Variants in TRIM24 observed in about 807,000 individuals in gnomAD.
TRIM24 encodes tripartite motif containing 24, also known as transcription intermediary factor 1-alpha.
Under a neutral mutation model 123.9 loss-of-function variants are expected in TRIM24, and 29 were observed. The observed-to-expected ratio is 0.23, with a 90% CI of 0.17 to 0.32. TRIM24 has a LOEUF of 0.32. Ranked by LOEUF, TRIM24 falls within the 10% of genes least tolerant of loss-of-function variation. TRIM24 has a pLI of 1.00. For missense variants in TRIM24, 932 were observed against 1,295.3 expected, an observed-to-expected ratio of 0.72 and a Z score of 4.31; for synonymous variants, 456 against 461.1, an observed-to-expected ratio of 0.99 and a Z score of 0.14.
At chr7:138,483,680 G>T (rs1363201642) in intron 1 of TRIM24, among the ~76,000 whole-genome samples, 1 of 152,172 alleles carries the variant, frequency 6.6e-6, no homozygotes, top group Non-Finnish European at 1.5e-5. Flanking sequence ...GCCCTGGGGA[G>T]GACACTACAT....
At chr7:138,501,363 TG>T (rs974765954) in intron 1 of TRIM24, among the ~76,000 whole-genome samples, 3 of 152,054 alleles carry the variant, frequency 2.0e-5, no homozygotes, top group African/African-American at 7.2e-5. Flanking sequence ...CCTGAGTAGC[TG>T]GGACTACAGG....
intron 1 of TRIM24, among the ~76,000 whole-genome samples, chr7:138,478,380 G>C (rs1243887076): frequency 1.4e-5 from 2 of 142,160 alleles, no homozygotes; most frequent in East Asian, 4.8e-4. Flanking sequence ...AGTGGTTCAT[G>C]CCTGTAATCC....
chr7:138,573,509 T>G lies in TRIM24; in HGVS notation c.1881T>G (p.Ile627Met). The change falls in exon 12 of 19, where the codon ATT becomes ATG. Residue 627 changes from isoleucine to methionine, a missense_variant and splice_region_variant. By Grantham distance (10) the Ile-to-Met change is conservative (BLOSUM62 1). Coordinates refer to ENST00000343526, the MANE Select transcript of TRIM24 (RefSeq NM_015905.3). ...GSYNLPSLPD[I>M]DCSSTIMLDN... is the part of the protein sequence containing the mutation. ...GAAATAATTTCTTTTCTTGTAAGAT[T>G]GACTGTTCAAGTACTATTATGCTGG... 6.4e-7 allele frequency: 1 copy of G among 1,566,048 alleles called. No homozygotes were observed. Among genetic ancestry groups the G allele is most frequent in the South Asian group, 1.2e-5 (1 of 80,056 alleles).
At chr7:138,508,692 T>TGTGTGCGCGTGCGC (rs1422176564) in intron 2 of TRIM24, among the ~76,000 whole-genome samples, 1 of 137,278 alleles carries the variant, frequency 7.3e-6, no homozygotes, top group African/African-American at 2.7e-5. Context: ...TGTGTGTGTG[T>TGTGTGCGCGTGCGC]GCGCGCGCGT....
chr7:138,571,857 C>T (rs920680198), intron 11 of TRIM24, among the ~76,000 whole-genome samples: 4 of 138,310 alleles, frequency 2.9e-5, no homozygotes, highest in African/African-American at 9.9e-5. Context: ...AGGCATGAGC[C>T]ACTACACCCA....
In TRIM24 at chr7:138,573,531, C is replaced by T. The variant is rs1432505515; in HGVS notation, c.1903C>T (p.Leu635=). Reference sequence around the variant, plus strand: ...GATTGACTGTTCAAGTACTATTATGCTGGACAATATTGTGAGGAAAGATAC... The same window carrying T: ...GATTGACTGTTCAAGTACTATTATGTTGGACAATATTGTGAGGAAAGATAC... ...PDIDCSSTIM[L]DNIVRKDTNI... is the part of the protein sequence containing the mutation. Residue 635 remains leucine, a synonymous_variant, in exon 12 of 19, where the codon CTG becomes TTG. Transcript: ENST00000343526. The T allele has an allele frequency of 6.2e-7, 1 of 1,608,274 alleles. No individual in the cohort carries two copies. The highest frequency in any genetic ancestry group is 8.5e-7 in the Non-Finnish European group (1 of 1,177,634).
chr7:138,573,916 A>C (rs728092), intron 12 of TRIM24, among the ~76,000 whole-genome samples: 40,594 of 152,050 alleles, frequency 0.27, 5,816 homozygotes, highest in East Asian at 0.51. Context: ...CTCCCACCTC[A>C]GCCTCCTGAG....
chr7:138,585,428 G>C lies in TRIM24; in HGVS notation c.*477G>C, dbSNP rs1797994350. On this transcript the variant is annotated 3_prime_UTR_variant, in exon 19 of 19. Coordinates refer to ENST00000343526, the MANE Select transcript of TRIM24 (RefSeq NM_015905.3). Reference sequence around the variant, plus strand: ...CCTGACAATATGAATTAGGTGTACTGTACTGAAGAACAGTACTCCACAAAC... The same window carrying C: ...CCTGACAATATGAATTAGGTGTACTCTACTGAAGAACAGTACTCCACAAAC... 1.1e-5 allele frequency: 3 copies of C among 280,462 alleles called. No homozygotes were observed. Among genetic ancestry groups the C allele is most frequent in the African/African-American group, 6.8e-5 (3 of 44,104 alleles). 17.4% of individuals were successfully genotyped at this position (280,462 alleles called of 1,614,324 possible).
chr7:138,586,599 C>G lies in TRIM24; in HGVS notation c.*1648C>G, dbSNP rs1055739131. The G allele has an allele frequency of 1.3e-5, 2 of 152,188 alleles. No individual in the cohort carries two copies. The highest frequency in any genetic ancestry group is 4.8e-5 in the African/African-American group (2 of 41,448). The allele number at this position is 152,188 out of a possible 1,614,324, so 9.4% of individuals were successfully genotyped here. On this transcript the variant is annotated 3_prime_UTR_variant, in exon 19 of 19. Transcript: ENST00000343526. ...CTACTCACTTTTCAAATATGTGTTACATGGTAATGTTTGTCATTGTTGTTT... is the reference window on the plus strand; with the variant it reads ...CTACTCACTTTTCAAATATGTGTTAGATGGTAATGTTTGTCATTGTTGTTT...
chr7:138,556,696 C>T lies in TRIM24; in HGVS notation c.1530+1730C>T, dbSNP rs562242938. Among the ~76,000 whole-genome samples the T allele has an allele frequency of 1.0e-3, 156 of 152,286 alleles. 3 individuals are homozygous for T. In the South Asian group the frequency reaches 0.03, roughly 30 times the overall value. On this transcript the variant is annotated intron_variant, in intron 9 of 18. Coordinates refer to ENST00000343526, the MANE Select transcript of TRIM24 (RefSeq NM_015905.3). ...GTTACCTTTTTCTTCTAGGACTGGTCTCAATTTCCAGGGCTAGTATTTATG... is the reference window on the plus strand; with the variant it reads ...GTTACCTTTTTCTTCTAGGACTGGTTTCAATTTCCAGGGCTAGTATTTATG...
chr7:138,583,379 G>A (rs1011247750), intron 17 of TRIM24, among the ~76,000 whole-genome samples: 1 of 152,176 alleles, frequency 6.6e-6, no homozygotes, highest in Non-Finnish European at 1.5e-5. Context: ...CAACATTTTG[G>A]GAGGCTGAGG....
At chr7:138,526,133 G>A (rs999775877) in intron 5 of TRIM24, among the ~76,000 whole-genome samples, 10 of 152,126 alleles carry the variant, frequency 6.6e-5, no homozygotes, top group South Asian at 2.1e-4. Context: ...ATGAGCCAGC[G>A]TAAAAGAGAC....
At chr7:138,575,990 C>A (rs1272692142) in intron 12 of TRIM24, among the ~76,000 whole-genome samples, 1 of 152,118 alleles carries the variant, frequency 6.6e-6, no homozygotes, top group East Asian at 1.9e-4. Flanking sequence ...TGAGATCTTA[C>A]CCCTGTTACT....
chr7:138,538,597 G>T lies in TRIM24; in HGVS notation c.997-60G>T. On this transcript the variant is annotated intron_variant, in intron 6 of 18. Coordinates refer to ENST00000343526, the MANE Select transcript of TRIM24 (RefSeq NM_015905.3). ...TATTCTAATTTGTTTACCTGGAAAT[G>T]ACCATCAAAGTCTATGTTACATGCT... The T allele has an allele frequency of 1.9e-6, 3 of 1,544,016 alleles. No homozygotes were observed. In the South Asian group the frequency reaches 3.5e-5, roughly 18 times the overall value.
intron 12 of TRIM24, among the ~76,000 whole-genome samples, 189 bp downstream of exon 12, chr7:138,573,831 C>CTG (rs1797704004): frequency 6.6e-6 from 1 of 152,210 alleles, no homozygotes; most frequent in Non-Finnish European, 1.5e-5. Flanking sequence ...GAGTCACAGT[C>CTG]TCGCTCTGTT....
At chr7:138,541,990 A>T (rs114911486) in intron 7 of TRIM24, among the ~76,000 whole-genome samples, 533 of 152,330 alleles carry the variant, frequency 3.5e-3, no homozygotes, top group African/African-American at 0.012. Context: ...CCTTCATTGA[A>T]TTAAAAAGAG....
At chr7:138,577,662 G>T in intron 14 of TRIM24, 74 bp downstream of exon 14, 1 of 1,259,644 alleles carries the variant, frequency 7.9e-7, no homozygotes, top group South Asian at 2.4e-5. Context: ...ATAGCTCTTA[G>T]GAGTTTTTTT....
At position 138,587,706 on chromosome 7, in the gene TRIM24, G is replaced by A. The variant is rs1444331213; in HGVS notation, c.*2755G>A. The stretch of plus-strand genomic sequence containing the variant: ...AATGTTTATCACACTTCTGGCTAGG[G>A]CTTATGGATGAGCAGACCACGTAGG... On this transcript the variant is annotated 3_prime_UTR_variant, in exon 19 of 19. Coordinates refer to ENST00000343526, the MANE Select transcript of TRIM24 (RefSeq NM_015905.3). 1 of 152,178 alleles carries A rather than the reference G, an allele frequency of 6.6e-6. No homozygotes were observed. The highest frequency in any genetic ancestry group is 1.9e-4 in the East Asian group (1 of 5,190). The allele number at this position is 152,178 out of a possible 1,614,324, so 9.4% of individuals were successfully genotyped here.
chr7:138,512,269 A>G (rs950475362), intron 2 of TRIM24, among the ~76,000 whole-genome samples: 12 of 152,132 alleles, frequency 7.9e-5, no homozygotes, highest in African/African-American at 2.9e-4. Flanking sequence ...TTTCCAGACT[A>G]AAGGTGCAAG....
Sources: allele counts gnomAD v4.1 joint callset (sites outside exome capture counted in the v4.1 genomes callset), GRCh38; gene constraint gnomAD v4.1.1; transcripts MANE v1.5; gene names NCBI Gene and HGNC (gene_info 2026-07-23, HGNC 2026-07-21).